Variants in CD38 observed in about 807,000 individuals in gnomAD.
The protein encoded by CD38 is CD38 molecule.
Under a neutral mutation model 36.3 loss-of-function variants are expected in CD38, and 31 were observed. The observed-to-expected ratio is 0.85, with a 90% CI of 0.64 to 1.15. The LOEUF (loss-of-function observed/expected upper bound fraction) is 1.15, where lower values mean the gene tolerates loss of function less well. CD38 is among the 50% of genes most tolerant of loss of function. The pLI is 0.00. For missense variants in CD38, 380 were observed against 371.9 expected (o/e 1.02, Z -0.18); for synonymous variants, 131 against 135.2 (o/e 0.97, Z 0.22).
chr4:15,821,412 GA>G (rs528185361), intron 2 of CD38, among the ~76,000 whole-genome samples: 2 of 151,056 alleles, frequency 1.3e-5, no homozygotes, highest in African/African-American at 2.4e-5. Context: ...GTGGTTTTTT[GA>G]AAAAAAATTA....
At chr4:15,779,642 C>T (rs534096595) in intron 1 of CD38, among the ~76,000 whole-genome samples, 1 of 152,188 alleles carries the variant, frequency 6.6e-6, no homozygotes, top group Admixed American at 6.5e-5. Context: ...AAAATGTTTG[C>T]CTCCTGGGCT....
chr4:15,799,923 C>T (rs1723181263), intron 1 of CD38, among the ~76,000 whole-genome samples: 1 of 152,150 alleles, frequency 6.6e-6, no homozygotes, highest in Non-Finnish European at 1.5e-5. Context: ...CCACACTTCA[C>T]CCTCATACAG....
intron 1 of CD38, among the ~76,000 whole-genome samples, chr4:15,786,017 T>C (rs1197605437): frequency 6.6e-6 from 1 of 151,012 alleles, no homozygotes; most frequent in Non-Finnish European, 1.5e-5. Context: ...GTTCCTCCCA[T>C]CTGGAGTTGT....
In CD38 at chr4:15,816,550, T is replaced by G; in HGVS notation, c.273T>G (p.Gly91=). The change falls in exon 2 of 8, where the codon GGT becomes GGG. Residue 91 remains glycine (G), a synonymous_variant. Coordinates refer to ENST00000226279, the MANE Select transcript of CD38 (RefSeq NM_001775.4). ...DCQSVWDAFK[G]AFISKHPCNI... ...AAAGTGTATGGGATGCTTTCAAGGG[T>G]GCATTTATTTCAAAACATCCTTGCA... 6.2e-7 allele frequency: 1 copy of G among 1,613,662 alleles called. No individual in the cohort carries two copies. Among genetic ancestry groups the G allele is most frequent in the Non-Finnish European group, 8.5e-7 (1 of 1,179,556 alleles).
chr4:15,809,568 G>C (rs1039599060), intron 1 of CD38, among the ~76,000 whole-genome samples: 5 of 152,142 alleles, frequency 3.3e-5, no homozygotes, highest in African/African-American at 1.2e-4. Context: ...CTTTTCCAAA[G>C]CTCTTCAGGT....
chr4:15,781,127 G>A (rs902009694), intron 1 of CD38, among the ~76,000 whole-genome samples: 5 of 152,114 alleles, frequency 3.3e-5, no homozygotes, highest in Non-Finnish European at 5.9e-5. Flanking sequence ...AAAAAGAAGT[G>A]AGTTGGCACT....
At chr4:15,782,278 AAAG>A (rs1460407633) in intron 1 of CD38, among the ~76,000 whole-genome samples, 1 of 152,214 alleles carries the variant, frequency 6.6e-6, no homozygotes, top group Non-Finnish European at 1.5e-5. Context: ...CCCAGATTCA[AAAG>A]AAGGAGAAAC....
At chr4:15,790,350 T>A (rs1343134185) in intron 1 of CD38, among the ~76,000 whole-genome samples, 2 of 152,098 alleles carry the variant, frequency 1.3e-5, no homozygotes, top group African/African-American at 2.4e-5. Context: ...TTTTCGTTTT[T>A]TTTTTTTGGT....
intron 4 of CD38, among the ~76,000 whole-genome samples, chr4:15,835,746 A>G (rs1254550698): frequency 3.3e-5 from 5 of 152,148 alleles, no homozygotes; most frequent in African/African-American, 1.2e-4. Context: ...TCCTAACCTC[A>G]GGTGATCTAC....
chr4:15,808,206 A>C (rs1478360089), intron 1 of CD38, among the ~76,000 whole-genome samples: 1 of 152,182 alleles, frequency 6.6e-6, no homozygotes, highest in Non-Finnish European at 1.5e-5. Context: ...GCTCTATTGG[A>C]AGAGGTCTGT....
intron 2 of CD38, among the ~76,000 whole-genome samples, chr4:15,817,305 C>A (rs1723623102): frequency 6.6e-6 from 1 of 152,208 alleles, no homozygotes; most frequent in Admixed American, 6.5e-5. Flanking sequence ...CAGAGTGCAC[C>A]TTTTCTATAG....
At chr4:15,789,796 G>T (rs1335030815) in intron 1 of CD38, among the ~76,000 whole-genome samples, 3 of 150,930 alleles carry the variant, frequency 2.0e-5, no homozygotes, top group Admixed American at 6.6e-5. Context: ...ACCGTGTGAT[G>T]CCCTGTCCTG....
intron 2 of CD38, among the ~76,000 whole-genome samples, chr4:15,819,112 CA>C (rs1723675998): frequency 8.9e-6 from 1 of 111,746 alleles, no homozygotes; most frequent in Non-Finnish European, 2.4e-5. Flanking sequence ...CACATGTTCT[CA>C]CTCATAAGTG....
intron 1 of CD38, among the ~76,000 whole-genome samples, chr4:15,783,793 G>C (rs1722748903): frequency 6.6e-6 from 1 of 151,984 alleles, no homozygotes; most frequent in Non-Finnish European, 1.5e-5. Flanking sequence ...CAAAATTTCT[G>C]GCAGGATTTC....
chr4:15,807,381 C>G (rs574669094), intron 1 of CD38, among the ~76,000 whole-genome samples: 13 of 152,262 alleles, frequency 8.5e-5, no homozygotes, highest in African/African-American at 3.1e-4. Flanking sequence ...TTGGCTATTA[C>G]TTTATGGTTT....
In CD38 at chr4:15,818,217, C is replaced by T. The variant is rs1010266496; in HGVS notation, c.363+1577C>T. Among the ~76,000 whole-genome samples the T allele has an allele frequency of 2.0e-5, 3 of 152,128 alleles. No homozygotes were observed. The East Asian group carries it at 5.8e-4, about 29-fold the overall frequency. On this transcript the variant is annotated intron_variant, in intron 2 of 7. Transcript: ENST00000226279. ...GCTTTAATAGGCGGTTTTCCCCTGA[C>T]AGTGCTAAGGGGGCTGGGAAGTCTG...
chr4:15,799,897 G>A (rs974605050), intron 1 of CD38, among the ~76,000 whole-genome samples: 3 of 152,140 alleles, frequency 2.0e-5, no homozygotes, highest in African/African-American at 7.2e-5. Flanking sequence ...AGGGAGAAAA[G>A]TCTCTTGGGT....
At position 15,847,586 on chromosome 4, in the gene CD38, TCTCAGAAGC is replaced by T. The variant is rs1724288325; in HGVS notation, c.840-952_840-944del. Among the ~76,000 whole-genome samples the T allele has an allele frequency of 2.0e-4, 12 of 61,486 alleles. No individual in the cohort carries two copies. In the East Asian group the frequency reaches 2.3e-3, roughly 12 times the overall value. The allele number at this position is 61,486 out of a possible 152,430, so 40.3% of individuals were successfully genotyped here. A position where few individuals can be genotyped will look rare whatever the true frequency, so the allele number is the denominator to read the frequency against. On this transcript the variant is annotated intron_variant, in intron 7 of 7. Transcript: ENST00000226279. Reference sequence around the variant, plus strand: ...AAAAAAATAAAAAATAAAAAACAACTCTCAGAAGCAAAAAAAAAAAAAAAAAAAAAAAAA... The same window carrying T: ...AAAAAAATAAAAAATAAAAAACAACTAAAAAAAAAAAAAAAAAAAAAAAAA...
intron 1 of CD38, among the ~76,000 whole-genome samples, chr4:15,798,765 C>G (rs1396861680): frequency 6.6e-6 from 1 of 152,148 alleles, no homozygotes; most frequent in Admixed American, 6.5e-5. Flanking sequence ...TTAAAAAATG[C>G]CCATTTCCTT....
Sources: gnomAD v4.1 joint callset for allele counts (sites outside exome capture counted in the v4.1 genomes callset) on GRCh38, gnomAD v4.1.1 for gene constraint, MANE v1.5 for transcripts, NCBI Gene and HGNC (gene_info 2026-07-23, HGNC 2026-07-21) for gene names.